Variants in TRPM3 observed in about 807,000 individuals in gnomAD.
TRPM3 encodes transient receptor potential cation channel subfamily M member 3.
TRPM3 carries 77 observed loss-of-function variants against 181.2 expected under a neutral mutation model. The ratio of observed to expected loss-of-function variants is 0.42; its 90% CI spans 0.35 to 0.51. The LOEUF (loss-of-function observed/expected upper bound fraction) is 0.51. Among genes scored for constraint, TRPM3 ranks in the 20% least tolerant of loss-of-function variants. The pLI, the probability that TRPM3 is intolerant of heterozygous loss-of-function variation, is 0.01. For missense variants in TRPM3, 1,759 were observed against 2,196.7 expected (o/e 0.80, Z 3.98); for synonymous variants, 745 against 796.4 (o/e 0.94, Z 1.09).
intron 6 of TRPM3, among the ~76,000 whole-genome samples, chr9:70,823,974 A>G (rs999027553): frequency 6.6e-6 from 1 of 152,204 alleles, no homozygotes; most frequent in East Asian, 1.9e-4. Flanking sequence ...ATGGGAGAGG[A>G]GGGACAATGA....
rs1379671839 is a variant in TRPM3, at chr9:71,351,870, GTTTTTGT to G, written c.183+94776_183+94782del. On this transcript the variant is annotated intron_variant, in intron 1 of 24. Transcript: ENST00000357533. ...ATGGGAAGTTTTTGTTTGTTTGTTT[GTTTTTGT>G]TTTTTTTTTTTTTTTTGAGACTGAG... Among the ~76,000 whole-genome samples the G allele has an allele frequency of 7.3e-5, 7 of 95,660 alleles. No homozygotes were observed. In the East Asian group the frequency reaches 1.1e-3, roughly 14 times the overall value. The allele number at this position is 95,660 out of a possible 152,430, so 62.8% of individuals were successfully genotyped here.
intron 1 of TRPM3, among the ~76,000 whole-genome samples, chr9:71,250,006 T>C (rs1196907387): frequency 1.3e-5 from 2 of 152,216 alleles, no homozygotes; most frequent in Non-Finnish European, 2.9e-5. Context: ...TAGTCTTTCA[T>C]GCAGTCCTTA....
chr9:71,420,657 A>G (rs1161618331), intron 1 of TRPM3, among the ~76,000 whole-genome samples: 9 of 90,346 alleles, frequency 1.0e-4, no homozygotes, highest in Admixed American at 2.8e-4. Flanking sequence ...AAGAGAAAGA[A>G]AAAGAGAAAG....
intron 1 of TRPM3, among the ~76,000 whole-genome samples, chr9:70,937,832 A>G (rs368358764): frequency 1.4e-5 from 2 of 146,142 alleles, no homozygotes; most frequent in Non-Finnish European, 3.0e-5. Flanking sequence ...GCAGAAGTCA[A>G]CTGAGACCCT....
rs1386567638 is a variant in TRPM3 at position 70,598,610 on chromosome 9, A to C, written c.2857T>G (p.Trp953Gly). 1 of 1,614,200 alleles carries C rather than the reference A, an allele frequency of 6.2e-7. No individual in the cohort carries two copies. Among genetic ancestry groups the C allele is most frequent in the South Asian group, 1.1e-5 (1 of 91,086 alleles). The change falls in exon 21 of 26, where the codon TGG becomes GGG. Residue 953 changes from tryptophan to glycine, a missense_variant. By Grantham distance (184) the Trp-to-Gly change is radical. Coordinates refer to ENST00000677713, the MANE Select transcript of TRPM3 (RefSeq NM_001366145.2). Reference sequence around the variant, plus strand: ...ATGGCGATGAGGTCCGTGACATTCCAGTACTCCTGCAGCCATACCTTCACT... The same window carrying C: ...ATGGCGATGAGGTCCGTGACATTCCCGTACTCCTGCAGCCATACCTTCACT... ...QKVKVWLQEY[W>G]NVTDLIAILL...
chr9:71,299,174 A>G (rs2086558766), intron 1 of TRPM3, among the ~76,000 whole-genome samples: 1 of 152,182 alleles, frequency 6.6e-6, no homozygotes, highest in Admixed American at 6.5e-5. Flanking sequence ...TTCTCTTTGC[A>G]ACTGACTAGG....
At chr9:70,828,993 AAAATATTTAGGTAAGAACTG>A (rs1289373379) in intron 5 of TRPM3, among the ~76,000 whole-genome samples, 20 of 152,156 alleles carry the variant, frequency 1.3e-4, no homozygotes, top group Non-Finnish European at 1.5e-5. Context: ...ATCTACTCCT[AAAATATTTAGGTAAGAACTG>A]CCCTCAAGAC....
intron 6 of TRPM3, among the ~76,000 whole-genome samples, chr9:70,789,000 G>A (rs997499770): frequency 1.3e-5 from 2 of 152,122 alleles, no homozygotes; most frequent in African/African-American, 2.4e-5. Flanking sequence ...ACCAGTCTGT[G>A]GACAGGGGAT....
chr9:70,557,488 C>G (rs2047997009), intron 22 of TRPM3, among the ~76,000 whole-genome samples: 1 of 152,170 alleles, frequency 6.6e-6, no homozygotes, highest in Admixed American at 6.5e-5. Context: ...TAGTTACCAA[C>G]CTAAAAAGTG....
chr9:71,017,321 G>C (rs1363181140), intron 1 of TRPM3, among the ~76,000 whole-genome samples: 1 of 151,868 alleles, frequency 6.6e-6, no homozygotes, highest in Non-Finnish European at 1.5e-5. Context: ...TAGTATGGTG[G>C]CCTATTTGAA....
intron 1 of TRPM3, among the ~76,000 whole-genome samples, chr9:70,941,077 T>C (rs1228962320): frequency 2.0e-5 from 3 of 152,174 alleles, no homozygotes; most frequent in Non-Finnish European, 2.9e-5. Flanking sequence ...TTAATACTGA[T>C]TGTCAACTCA....
intron 1 of TRPM3, among the ~76,000 whole-genome samples, chr9:71,401,605 C>T (rs2093342510): frequency 6.6e-6 from 1 of 152,124 alleles, no homozygotes; most frequent in Admixed American, 6.5e-5. Context: ...ATTGCATGTT[C>T]TAGAACAAAT....
intron 1 of TRPM3, among the ~76,000 whole-genome samples, chr9:71,185,924 T>C (rs1479696943): frequency 6.6e-6 from 1 of 152,054 alleles, no homozygotes; most frequent in Non-Finnish European, 1.5e-5. Context: ...ACAGCAGAAA[T>C]GTATTGTCTC....
chr9:71,358,337 G>C (rs1466601054), intron 1 of TRPM3, among the ~76,000 whole-genome samples: 3 of 152,092 alleles, frequency 2.0e-5, no homozygotes, highest in Non-Finnish European at 4.4e-5. Flanking sequence ...TCCCCACATA[G>C]ATCTGTTAAC....
intron 1 of TRPM3, among the ~76,000 whole-genome samples, chr9:71,333,841 T>C (rs758436524): frequency 6.6e-6 from 1 of 151,946 alleles, no homozygotes; most frequent in Non-Finnish European, 1.5e-5. Context: ...TCAGGAGCAG[T>C]TGGAAATCCA....
At chr9:70,870,797 A>G (rs1291350402) in intron 1 of TRPM3, among the ~76,000 whole-genome samples, 1 of 152,034 alleles carries the variant, frequency 6.6e-6, no homozygotes, top group Admixed American at 6.6e-5. Context: ...TTAAATAGAT[A>G]CAGAGGTGAT....
At chr9:71,142,282 CT>C (rs2075150990) in intron 1 of TRPM3, among the ~76,000 whole-genome samples, 1 of 152,148 alleles carries the variant, frequency 6.6e-6, no homozygotes, top group African/African-American at 2.4e-5. Context: ...GGTGGCCACT[CT>C]CTTTGCAATG....
At chr9:70,676,475 T>C (rs2064036283) in intron 9 of TRPM3, among the ~76,000 whole-genome samples, 1 of 152,192 alleles carries the variant, frequency 6.6e-6, no homozygotes, top group Non-Finnish European at 1.5e-5. Flanking sequence ...GTATGAGGGA[T>C]GCTGACAACA....
At chr9:71,043,794 C>T (rs547222664) in intron 1 of TRPM3, among the ~76,000 whole-genome samples, 1 of 152,230 alleles carries the variant, frequency 6.6e-6, no homozygotes, top group Admixed American at 6.5e-5. Context: ...TTTAACAAGC[C>T]CTTCTAGGAA....
Sources: allele counts gnomAD v4.1 joint callset (sites outside exome capture counted in the v4.1 genomes callset), GRCh38; gene constraint gnomAD v4.1.1; transcripts MANE v1.5; gene names NCBI Gene and HGNC (gene_info 2026-07-23, HGNC 2026-07-21).